Variants in SDK1 observed in about 807,000 individuals in gnomAD.
The protein encoded by SDK1 is protein sidekick-1.
SDK1 carries 157 observed loss-of-function variants against 245.5 expected under a neutral mutation model. The observed-to-expected ratio is 0.64, with a 90% CI of 0.56 to 0.73. SDK1 has a LOEUF of 0.73. Ranked by LOEUF, SDK1 falls within the 30% of genes least tolerant of loss-of-function variation. SDK1 has a pLI of 0.00. For missense variants in SDK1, 3,583 were observed against 3,002.3 expected (o/e 1.19, Z -4.52); for synonymous variants, 1,647 against 1,278.5 (o/e 1.29, Z -6.15).
chr7:3,439,971 G>A (rs1780147895), intron 1 of SDK1, among the ~76,000 whole-genome samples: 1 of 152,198 alleles, frequency 6.6e-6, no homozygotes, highest in Admixed American at 6.5e-5. Context: ...AGATATAATT[G>A]AAATATAGTA....
chr7:3,603,626 A>G (rs1298316257), intron 1 of SDK1, among the ~76,000 whole-genome samples: 1 of 152,172 alleles, frequency 6.6e-6, no homozygotes, highest in Non-Finnish European at 1.5e-5. Flanking sequence ...TGTCGTCTGC[A>G]AACAGGGACA....
At chr7:4,201,545 A>G (rs1483931950) in intron 35 of SDK1, among the ~76,000 whole-genome samples, 1 of 152,204 alleles carries the variant, frequency 6.6e-6, no homozygotes, top group Non-Finnish European at 1.5e-5. Context: ...TGCTTTACCC[A>G]AACAGTCAGT....
chr7:4,070,736 G>A (rs546843477), intron 20 of SDK1, among the ~76,000 whole-genome samples: 1 of 149,694 alleles, frequency 6.7e-6, no homozygotes, highest in African/African-American at 2.5e-5. Context: ...TTGAGATGGA[G>A]TCTCACTCTG....
At chr7:3,935,565 G>A (rs190268349) in intron 5 of SDK1, among the ~76,000 whole-genome samples, 1 of 152,070 alleles carries the variant, frequency 6.6e-6, no homozygotes, top group African/African-American at 2.4e-5. Context: ...AATGGGCAAA[G>A]AACTGGAATA....
At chr7:3,639,931 G>T (rs567909237) in intron 3 of SDK1, among the ~76,000 whole-genome samples, 1 of 152,058 alleles carries the variant, frequency 6.6e-6, no homozygotes, top group Non-Finnish European at 1.5e-5. Context: ...CTCACTGCAA[G>T]CTTGAACTGG....
At chr7:3,319,174 G>A (rs868394019) in intron 1 of SDK1, among the ~76,000 whole-genome samples, 60 of 152,292 alleles carry the variant, frequency 3.9e-4, no homozygotes, top group African/African-American at 1.2e-3. Flanking sequence ...GAAAAATGTG[G>A]TGTGTAGAAA....
At chr7:3,444,612 G>T (rs1196105400) in intron 1 of SDK1, among the ~76,000 whole-genome samples, 1 of 151,994 alleles carries the variant, frequency 6.6e-6, no homozygotes, top group Non-Finnish European at 1.5e-5. Flanking sequence ...GTTAGTGTTC[G>T]CCTTAGATGG....
intron 1 of SDK1, among the ~76,000 whole-genome samples, chr7:3,390,684 A>T (rs1781728714): frequency 6.6e-6 from 1 of 152,152 alleles, no homozygotes; most frequent in Non-Finnish European, 1.5e-5. Flanking sequence ...TATTGGAGTT[A>T]TGCTGCCGAA....
rs138535243 is a variant in SDK1, at chr7:4,217,743, T to C, written c.5540-2366T>C. Among the ~76,000 whole-genome samples, 796 of 152,326 alleles carry C rather than the reference T, an allele frequency of 5.2e-3. 9 individuals are homozygous for C. Among genetic ancestry groups the C allele is most frequent in the African/African-American group, 0.015 (608 of 41,574 alleles). On this transcript the variant is annotated intron_variant, in intron 38 of 44. Transcript: ENST00000404826. Reference sequence around the variant, plus strand: ...AAATGTTTTTAATGGTGGTGGTTTATGGGATTGTACCCTGAGGCTTTGTAG... The same window carrying C: ...AAATGTTTTTAATGGTGGTGGTTTACGGGATTGTACCCTGAGGCTTTGTAG...
At chr7:3,424,485 ATTATT>A (rs1379444727) in intron 1 of SDK1, among the ~76,000 whole-genome samples, 1 of 152,178 alleles carries the variant, frequency 6.6e-6, no homozygotes, top group Non-Finnish European at 1.5e-5. Flanking sequence ...AGACTTTAAT[ATTATT>A]TTGGGAAGAA....
intron 13 of SDK1, among the ~76,000 whole-genome samples, chr7:3,983,128 T>G (rs769608064): frequency 1.8e-4 from 28 of 152,210 alleles, no homozygotes; most frequent in Non-Finnish European, 3.4e-4. Flanking sequence ...CATCTACTTT[T>G]GGCAAAGATA....
At chr7:3,819,687 T>C (rs1226571958) in intron 4 of SDK1, among the ~76,000 whole-genome samples, 1 of 152,094 alleles carries the variant, frequency 6.6e-6, no homozygotes, top group Non-Finnish European at 1.5e-5. Flanking sequence ...GACTAAAAAT[T>C]GAAAACTTCC....
intron 4 of SDK1, among the ~76,000 whole-genome samples, chr7:3,739,324 T>C (rs189897620): frequency 6.6e-4 from 101 of 152,328 alleles, no homozygotes; most frequent in Non-Finnish European, 1.1e-3. Context: ...ATACAGACCA[T>C]TGTTTTATAT....
chr7:4,162,453 G>A (rs112292132), intron 32 of SDK1, among the ~76,000 whole-genome samples: 1 of 151,256 alleles, frequency 6.6e-6, no homozygotes, highest in South Asian at 2.1e-4. Context: ...AGGCTGGAGT[G>A]CAGTGGCACA....
At chr7:3,819,143 A>G (rs1779583502) in intron 4 of SDK1, among the ~76,000 whole-genome samples, 1 of 152,136 alleles carries the variant, frequency 6.6e-6, no homozygotes, top group Non-Finnish European at 1.5e-5. Context: ...AAAGATTTGG[A>G]TAGGAACAAA....
At chr7:4,142,679 T>A (rs1347163834) in intron 28 of SDK1, among the ~76,000 whole-genome samples, 1 of 152,128 alleles carries the variant, frequency 6.6e-6, no homozygotes, top group African/African-American at 2.4e-5. Flanking sequence ...GCCAGGCTGG[T>A]CTCAAAGTCT....
intron 1 of SDK1, among the ~76,000 whole-genome samples, chr7:3,433,452 C>T (rs76425134): frequency 0.039 from 5,929 of 152,084 alleles, 150 homozygotes; most frequent in Middle Eastern, 0.071. Flanking sequence ...AGGAAGGTTC[C>T]TGGATTATTG....
At chr7:3,943,128 T>C (rs770395925) in intron 5 of SDK1, among the ~76,000 whole-genome samples, 1 of 152,162 alleles carries the variant, frequency 6.6e-6, no homozygotes, top group Non-Finnish European at 1.5e-5. Context: ...TAAACCAAAA[T>C]GTAGGATTTG....
intron 1 of SDK1, among the ~76,000 whole-genome samples, chr7:3,313,384 C>T (rs143599318): frequency 6.6e-6 from 1 of 151,928 alleles, no homozygotes; most frequent in Admixed American, 6.6e-5. Context: ...TCCAGCCTGG[C>T]GACGGAGCGA....
Sources: allele counts gnomAD v4.1 joint callset (sites outside exome capture counted in the v4.1 genomes callset), GRCh38; gene constraint gnomAD v4.1.1; transcripts MANE v1.5; gene names NCBI Gene and HGNC (gene_info 2026-07-23, HGNC 2026-07-21).